The following COL18A1 variants were observed in gnomAD, a reference collection of about 807,000 sequenced individuals.
COL18A1 encodes the protein collagen type XVIII alpha 1 chain.
A neutral mutation model predicts 168.0 loss-of-function variants in COL18A1; 133 were observed. The observed-to-expected ratio is 0.79, with a 90% CI of 0.69 to 0.91. COL18A1 has a LOEUF of 0.91. Ranked by LOEUF, COL18A1 falls within the 40% of genes least tolerant of loss-of-function variation. The probability of loss-of-function intolerance (pLI) is 0.00; values close to 1 mark genes in which losing one functional copy is unlikely to be tolerated. For missense variants in COL18A1, 2,126 were observed against 1,925.4 expected (o/e 1.10, Z -1.95); for synonymous variants, 949 against 809.0 (o/e 1.17, Z -2.94).
At chr21:45,481,021 C>G (rs2035873597) in intron 13 of COL18A1, among the ~76,000 whole-genome samples, 163 bp downstream of exon 13, 1 of 152,196 alleles carries the variant, frequency 6.6e-6, no homozygotes, top group African/African-American at 2.4e-5. Context: ...TCGGGGCCAC[C>G]CTGGGGTGTG....
intron 2 of COL18A1, among the ~76,000 whole-genome samples, chr21:45,447,446 G>GT (rs1433439548): frequency 6.6e-6 from 1 of 152,028 alleles, no homozygotes; most frequent in Non-Finnish European, 1.5e-5. Flanking sequence ...AGAAAAATCT[G>GT]TTTACAACAG....
intron 38 of COL18A1, 104 bp downstream of exon 38, chr21:45,507,697 A>G: frequency 9.1e-7 from 1 of 1,101,700 alleles, no homozygotes; most frequent in Non-Finnish European, 1.4e-6. Context: ...GGAGTCCTGG[A>G]GCTGAACATG....
At chr21:45,413,001 T>C (rs1280751654) in intron 2 of COL18A1, among the ~76,000 whole-genome samples, 3 of 152,214 alleles carry the variant, frequency 2.0e-5, no homozygotes, top group African/African-American at 7.2e-5. Context: ...CTCTAATCTG[T>C]GCCTGGGGAT....
rs544493936 is a variant in COL18A1 at position 45,484,570 on chromosome 21, C to T, written c.1701+1749C>T. On this transcript the variant is annotated intron_variant, in intron 15 of 41. Coordinates refer to ENST00000651438, the MANE Select transcript of COL18A1 (RefSeq NM_001379500.1). ...TGCACACAGCTCTCATGTATGTGCA[C>T]GTGTATCTCTAGCATACATGCACAC... Among the ~76,000 whole-genome samples the T allele has an allele frequency of 8.5e-5, 13 of 152,334 alleles. No homozygotes were observed. The South Asian group carries it at 1.0e-3, about 12-fold the overall frequency.
chr21:45,456,959 TG>T, intron 2 of COL18A1: 1 of 1,163,160 alleles, frequency 8.6e-7, no homozygotes, highest in Non-Finnish European at 1.1e-6. Flanking sequence ...GACGTGAGCC[TG>T]GTACAGGTTC....
At chr21:45,502,584 T>TTAA (rs1183779405) in intron 32 of COL18A1, 7 of 152,036 alleles carry the variant, frequency 4.6e-5, no homozygotes, top group Non-Finnish European at 1.0e-4. Context: ...AAATCCAAAG[T>TTAA]TAATTCTTTG....
At chr21:45,493,468 G>A in intron 25 of COL18A1, 33 bp from the exon 26 acceptor site, 1 of 1,532,508 alleles carries the variant, frequency 6.5e-7, no homozygotes, top group Non-Finnish European at 8.8e-7. Context: ...GAAGGAGCTG[G>A]CCCTGACTCT....
chr21:45,478,148 C>A, intron 8 of COL18A1, 179 bp from the exon 9 acceptor site: 1 of 843,662 alleles, frequency 1.2e-6, no homozygotes. Flanking sequence ...GGAGGCGGAG[C>A]TGCTCAGACA....
chr21:45,413,598 G>C lies in COL18A1; in HGVS notation c.106+8125G>C, dbSNP rs375651634. Among the ~76,000 whole-genome samples the C allele has an allele frequency of 7.9e-5, 12 of 152,190 alleles. No individual in the cohort carries two copies. The East Asian group carries it at 2.3e-3, about 29-fold the overall frequency. ...TAGCCTCATGTGCTGCCTCTGAGGA[G>C]GAGTTCAGAGAACATCCGCTTCCTT... On this transcript the variant is annotated intron_variant, in intron 2 of 41. Transcript: ENST00000651438.
intron 2 of COL18A1, among the ~76,000 whole-genome samples, chr21:45,458,434 C>T (rs111833527): frequency 2.8e-4 from 43 of 152,190 alleles, no homozygotes; most frequent in African/African-American, 1.0e-3. Flanking sequence ...CGAATGTTGG[C>T]ATCTCAGGGC....
chr21:45,433,941 G>A (rs115977105), intron 2 of COL18A1, among the ~76,000 whole-genome samples: 333 of 152,054 alleles, frequency 2.2e-3, no homozygotes, highest in African/African-American at 6.6e-3. Flanking sequence ...TTTTGTGCAC[G>A]GTGGGAAAGA....
At chr21:45,461,541 C>T (rs561296114) in intron 2 of COL18A1, among the ~76,000 whole-genome samples, 36 of 152,274 alleles carry the variant, frequency 2.4e-4, no homozygotes, top group African/African-American at 7.9e-4. Flanking sequence ...TCTTCCTTGT[C>T]CTGCATCTGC....
chr21:45,405,538 G>A, intron 2 of COL18A1, 65 bp downstream of exon 2: 2 of 1,041,706 alleles, frequency 1.9e-6, no homozygotes, highest in Non-Finnish European at 2.5e-6. Flanking sequence ...CCTGGCTGGG[G>A]TCCCCGCCCG....
At chr21:45,507,626 G>C in intron 38 of COL18A1, 33 bp downstream of exon 38, 1 of 1,607,866 alleles carries the variant, frequency 6.2e-7, no homozygotes, top group Non-Finnish European at 8.5e-7. Context: ...AGACTGGTGG[G>C]TGGTCAGGAC....
chr21:45,406,664 C>T (rs1187761751), intron 2 of COL18A1, among the ~76,000 whole-genome samples: 1 of 152,170 alleles, frequency 6.6e-6, no homozygotes, highest in African/African-American at 2.4e-5. Context: ...GGGCCGCCAG[C>T]GCCCACAGGG....
rs771667929 is a variant in COL18A1 at position 45,479,978 on chromosome 21, G to T, written c.1311+14G>T. On this transcript the variant is annotated intron_variant, in intron 10 of 41. Transcript: ENST00000651438. ...AAGGGCGACAAGGTGAGTCTCCGTG[G>T]CTGGGTGGGGCCCCTTCCTGTGTTG... 1 of 1,613,854 alleles carries T rather than the reference G, an allele frequency of 6.2e-7. No homozygotes were observed. Among genetic ancestry groups the T allele is most frequent in the Non-Finnish European group, 8.5e-7 (1 of 1,179,952 alleles).
intron 2 of COL18A1, among the ~76,000 whole-genome samples, chr21:45,437,992 ACAG>A (rs1602384076): frequency 1.0e-5 from 1 of 98,690 alleles, no homozygotes; most frequent in Non-Finnish European, 1.9e-5. Flanking sequence ...ACTCAGACAC[ACAG>A]GCACTCTCCT....
chr21:45,405,287 G>GCTGCGGGGGCTGCGGGGCTGCGGGGGTC (rs1555966495), intron 1 of COL18A1, 46 bp downstream of exon 1: 117 of 431,994 alleles, frequency 2.7e-4, no homozygotes, highest in African/African-American at 8.2e-4. Flanking sequence ...CCAAGATGCG[G>GCTGCGGGGGCTGCGGGGCTGCGGGGGTC]CTGCGGGGGT....
chr21:45,505,884 A>C lies in COL18A1; in HGVS notation c.3134A>C (p.Glu1045Ala). The change falls in exon 37 of 42, where the codon GAG becomes GCG. Residue 1045 changes from glutamate to alanine, a missense_variant. Glu to Ala is a moderately radical substitution (Grantham distance 107, BLOSUM62 -1). Transcript: ENST00000651438. The stretch of plus-strand genomic sequence containing the variant: ...CAGGCCATGCTGGGCCAGGTGCACG[A>C]GGTTCCCGAGGGCTGGCTCATCTTC... The part of the protein sequence containing the change: ...TRQAMLGQVH[E>A]VPEGWLIFVA... The C allele has an allele frequency of 6.2e-7, 1 of 1,612,026 alleles. No homozygotes were observed. The highest frequency in any genetic ancestry group is 8.5e-7 in the Non-Finnish European group (1 of 1,179,636).
Sources: gnomAD v4.1 joint callset for allele counts (sites outside exome capture counted in the v4.1 genomes callset) on GRCh38, gnomAD v4.1.1 for gene constraint, MANE v1.5 for transcripts, NCBI Gene and HGNC (gene_info 2026-07-23, HGNC 2026-07-21) for gene names.